B3GLCT: variants seen among roughly 807,000 people sequenced by gnomAD.
B3GLCT encodes beta-1,3-glucosyltransferase.
A neutral mutation model predicts 63.4 loss-of-function variants in B3GLCT; 65 were observed. The ratio of observed to expected loss-of-function variants is 1.03; its 90% CI spans 0.84 to 1.26. The LOEUF (loss-of-function observed/expected upper bound fraction) is 1.26. B3GLCT is among the 50% of genes most tolerant of loss of function. The pLI, the probability that B3GLCT is intolerant of heterozygous loss-of-function variation, is 0.00. For synonymous variants in B3GLCT, 233 were observed against 219.2 expected, an observed-to-expected ratio of 1.06 and a Z score of -0.55; for missense variants, 577 against 604.8, an observed-to-expected ratio of 0.95 and a Z score of 0.48.
At chr13:31,259,547 T>C (rs1284478399) in intron 6 of B3GLCT, among the ~76,000 whole-genome samples, 2 of 149,666 alleles carry the variant, frequency 1.3e-5, no homozygotes, top group Admixed American at 6.7e-5. Context: ...GTTCTTTTTT[T>C]CCCCCCTTGG....
intron 12 of B3GLCT, among the ~76,000 whole-genome samples, chr13:31,290,843 G>A (rs138809495): frequency 6.6e-6 from 1 of 152,250 alleles, no homozygotes; most frequent in African/African-American, 2.4e-5. Flanking sequence ...TTCTTTTGCT[G>A]TGCAGTAGCT....
intron 8 of B3GLCT, among the ~76,000 whole-genome samples, chr13:31,272,790 TTAGA>T (rs1872628053): frequency 1.3e-5 from 2 of 152,186 alleles, no homozygotes; most frequent in Non-Finnish European, 2.9e-5. Flanking sequence ...CCCTGGAAAC[TTAGA>T]TATTGTCATT....
At chr13:31,298,586 C>T (rs1442774458) in intron 12 of B3GLCT, among the ~76,000 whole-genome samples, 1 of 152,194 alleles carries the variant, frequency 6.6e-6, no homozygotes, top group East Asian at 1.9e-4. Context: ...CAATTTATAA[C>T]CCATTATTCA....
At chr13:31,219,152 A>AT (rs1175425631) in intron 2 of B3GLCT, among the ~76,000 whole-genome samples, 4 of 152,150 alleles carry the variant, frequency 2.6e-5, no homozygotes, top group Non-Finnish European at 5.9e-5. Context: ...AAAAAAGAAA[A>AT]CGTCAGGCCA....
In B3GLCT at chr13:31,200,170, C is replaced by A; in HGVS notation, c.70+16C>A. The A allele has an allele frequency of 7.7e-7, 1 of 1,296,906 alleles. No individual in the cohort carries two copies. Among genetic ancestry groups the A allele is most frequent in the Non-Finnish European group, 9.9e-7 (1 of 1,011,938 alleles). 80.3% of individuals were successfully genotyped at this position (1,296,906 alleles called of 1,614,324 possible). On this transcript the variant is annotated intron_variant, in intron 1 of 14. Transcript: ENST00000343307. ...TGCTCCCTGGGTAAGTAGCGGGCGG[C>A]CAGGCGCGCAAGGGCGAGGCGTGGG...
intron 12 of B3GLCT, among the ~76,000 whole-genome samples, chr13:31,296,413 A>T (rs1423006045): frequency 6.6e-6 from 1 of 152,206 alleles, no homozygotes; most frequent in Non-Finnish European, 1.5e-5. Context: ...TTGTATCTTC[A>T]AATGGTGGAA....
chr13:31,206,752 A>C (rs1382016206), intron 1 of B3GLCT, among the ~76,000 whole-genome samples: 3 of 152,116 alleles, frequency 2.0e-5, no homozygotes, highest in Non-Finnish European at 4.4e-5. Context: ...ACAAAAAAAA[A>C]CAAAAGATGA....
At chr13:31,308,518 G>T (rs1874527822) in intron 12 of B3GLCT, among the ~76,000 whole-genome samples, 1 of 151,852 alleles carries the variant, frequency 6.6e-6, no homozygotes, top group Non-Finnish European at 1.5e-5. Context: ...CAGGCTTGCT[G>T]TTCCCTCAGG....
intron 6 of B3GLCT, among the ~76,000 whole-genome samples, chr13:31,252,290 C>G (rs759159470): frequency 1.3e-5 from 2 of 152,142 alleles, no homozygotes; most frequent in African/African-American, 2.4e-5. Flanking sequence ...ACCATTGATG[C>G]TATGAAGAAA....
At chr13:31,221,754 G>A (rs1593253370) in intron 2 of B3GLCT, among the ~76,000 whole-genome samples, 1 of 152,284 alleles carries the variant, frequency 6.6e-6, no homozygotes, top group East Asian at 1.9e-4. Context: ...AATTTTGTTG[G>A]TAAGGGCTCA....
chr13:31,282,767 T>A (rs1190288340), intron 10 of B3GLCT, among the ~76,000 whole-genome samples: 2 of 152,222 alleles, frequency 1.3e-5, no homozygotes, highest in Non-Finnish European at 2.9e-5. Flanking sequence ...ATCTAAATGG[T>A]TGGCTTGTTT....
At position 31,311,016 on chromosome 13, in the gene B3GLCT, C is replaced by T. The variant is rs114930181; in HGVS notation, c.1065-6550C>T. Among the ~76,000 whole-genome samples the T allele has an allele frequency of 4.1e-3, 627 of 152,302 alleles. 5 individuals carry two copies. The highest frequency in any genetic ancestry group is 0.015 in the African/African-American group (604 of 41,570). On this transcript the variant is annotated intron_variant, in intron 12 of 14. Coordinates refer to ENST00000343307, the MANE Select transcript of B3GLCT (RefSeq NM_194318.4). The stretch of plus-strand genomic sequence containing the variant: ...GCAAGCCCAGAGCTGAGTGAGGCCC[C>T]GGCCAGAGGTGCAGCTGGCCAACCG...
At chr13:31,317,387 T>A (rs1429923247) in intron 12 of B3GLCT, among the ~76,000 whole-genome samples, 179 bp from the exon 13 acceptor site, 3 of 152,220 alleles carry the variant, frequency 2.0e-5, no homozygotes, top group Admixed American at 6.5e-5. Flanking sequence ...CATGCATTCT[T>A]TTCTTTTTTT....
chr13:31,304,660 G>A (rs1301657640), intron 12 of B3GLCT, among the ~76,000 whole-genome samples: 100 of 23,556 alleles, frequency 4.2e-3, no homozygotes, highest in Middle Eastern at 0.045. Flanking sequence ...CAATACAGGA[G>A]CACCCAGATT....
intron 14 of B3GLCT, 73 bp downstream of exon 14, chr13:31,323,968 C>A: frequency 6.4e-7 from 1 of 1,558,796 alleles, no homozygotes; most frequent in Non-Finnish European, 8.8e-7. Flanking sequence ...GATTTGACTT[C>A]TTTCTCTTCA....
At chr13:31,254,224 TAAA>T (rs1439205619) in intron 6 of B3GLCT, among the ~76,000 whole-genome samples, 1 of 151,844 alleles carries the variant, frequency 6.6e-6, no homozygotes, top group Non-Finnish European at 1.5e-5. Flanking sequence ...GACACAACAA[TAAA>T]AAGAGAAAAT....
intron 1 of B3GLCT, among the ~76,000 whole-genome samples, chr13:31,202,156 T>C (rs1361415877): frequency 1.3e-5 from 2 of 152,226 alleles, no homozygotes; most frequent in East Asian, 3.8e-4. Flanking sequence ...ACCTTAAATA[T>C]TCCCATATAA....
rs1386870916 is a variant in B3GLCT at position 31,302,367 on chromosome 13, C to T, written c.1065-15199C>T. ...AACAGCTCCGGTCTACAGCTCCCAG[C>T]GTGAGCGACGCAGAAGACGGGTGAT... On this transcript the variant is annotated intron_variant, in intron 12 of 14. Transcript: ENST00000343307. Among the ~76,000 whole-genome samples, 8 of 151,830 alleles carry T rather than the reference C, an allele frequency of 5.3e-5. No homozygotes were observed. In the East Asian group the frequency reaches 5.9e-4, roughly 11 times the overall value.
chr13:31,270,955 A>C (rs1872552958), intron 8 of B3GLCT, among the ~76,000 whole-genome samples: 1 of 152,204 alleles, frequency 6.6e-6, no homozygotes, highest in South Asian at 2.1e-4. Context: ...TCCTGTCAGC[A>C]GGTTTCCACC....
Sources: gnomAD v4.1 joint callset for allele counts (sites outside exome capture counted in the v4.1 genomes callset) on GRCh38, gnomAD v4.1.1 for gene constraint, MANE v1.5 for transcripts, NCBI Gene and HGNC (gene_info 2026-07-23, HGNC 2026-07-21) for gene names.